Variants in OPA1 observed in about 807,000 individuals in gnomAD.
OPA1 encodes the protein dynamin-like GTPase OPA1, mitochondrial.
Under a neutral mutation model 152.9 loss-of-function variants are expected in OPA1, and 59 were observed. The observed-to-expected ratio is 0.39, with a 90% CI of 0.31 to 0.48. The LOEUF (loss-of-function observed/expected upper bound fraction) is 0.48, where lower values mean the gene tolerates loss of function less well. Ranked by LOEUF, OPA1 falls within the 20% of genes least tolerant of loss-of-function variation. The pLI, the probability that OPA1 is intolerant of heterozygous loss-of-function variation, is 0.96. For synonymous variants in OPA1, 400 were observed against 389.9 expected (o/e 1.03, Z -0.31); for missense variants, 1,008 against 1,216.8 (o/e 0.83, Z 2.55).
chr3:193,679,669 A>C (rs1006902525), intron 29 of OPA1, among the ~76,000 whole-genome samples: 1 of 152,216 alleles, frequency 6.6e-6, no homozygotes, highest in African/African-American at 2.4e-5. Context: ...AACCATAGAC[A>C]ACCAAGTTCA....
At chr3:193,619,372 T>C (rs1729630642) in intron 6 of OPA1, among the ~76,000 whole-genome samples, 1 of 152,146 alleles carries the variant, frequency 6.6e-6, no homozygotes, top group African/African-American at 2.4e-5. Flanking sequence ...TGGAACGTCG[T>C]ATAGGGACTA....
intron 1 of OPA1, among the ~76,000 whole-genome samples, chr3:193,609,797 A>G (rs1170619745): frequency 5.3e-5 from 8 of 152,124 alleles, no homozygotes; most frequent in African/African-American, 1.9e-4. Flanking sequence ...TTGATCTTCC[A>G]TCACTGATAC....
At chr3:193,684,204 G>T (rs1720603784) in intron 29 of OPA1, among the ~76,000 whole-genome samples, 1 of 152,120 alleles carries the variant, frequency 6.6e-6, no homozygotes, top group African/African-American at 2.4e-5. Flanking sequence ...TGTTTCTCAT[G>T]CGGGCTAACA....
intron 21 of OPA1, among the ~76,000 whole-genome samples, chr3:193,651,603 TA>T (rs1712470404): frequency 6.6e-6 from 1 of 152,164 alleles, no homozygotes; most frequent in Non-Finnish European, 1.5e-5. Context: ...AATTATATAG[TA>T]TTTGGTTTAT....
chr3:193,651,978 G>A (rs1380823868), intron 21 of OPA1, among the ~76,000 whole-genome samples: 1 of 152,094 alleles, frequency 6.6e-6, no homozygotes, highest in Non-Finnish European at 1.5e-5. Flanking sequence ...AGATAAAGAA[G>A]GCAATAAAAC....
chr3:193,694,090 C>T (rs1399095381), intron 30 of OPA1, among the ~76,000 whole-genome samples: 1 of 152,232 alleles, frequency 6.6e-6, no homozygotes, highest in African/African-American at 2.4e-5. Context: ...GTTGCTGTTG[C>T]TGCTACCTGT....
intron 30 of OPA1, among the ~76,000 whole-genome samples, chr3:193,694,224 G>A (rs1305629666): frequency 6.6e-6 from 1 of 152,120 alleles, no homozygotes; most frequent in East Asian, 1.9e-4. Flanking sequence ...GAATAAATCT[G>A]GCAGAATGGT....
intron 1 of OPA1, among the ~76,000 whole-genome samples, chr3:193,609,044 TC>T (rs1727747265): frequency 6.6e-6 from 1 of 152,188 alleles, no homozygotes. Flanking sequence ...TTTTTTGTTT[TC>T]CATTTGCTTG....
intron 29 of OPA1, among the ~76,000 whole-genome samples, chr3:193,671,454 G>A (rs145578573): frequency 3.2e-4 from 48 of 152,254 alleles, no homozygotes; most frequent in African/African-American, 1.1e-3. Context: ...GCTCCAGTTG[G>A]AAGAGACTTA....
intron 29 of OPA1, among the ~76,000 whole-genome samples, chr3:193,683,689 A>C (rs538402565): frequency 3.3e-5 from 5 of 152,322 alleles, no homozygotes; most frequent in African/African-American, 1.2e-4. Context: ...CTCCACCAGC[A>C]AAAAGATTAT....
At chr3:193,612,242 A>G (rs989746440) in intron 1 of OPA1, among the ~76,000 whole-genome samples, 1 of 147,412 alleles carries the variant, frequency 6.8e-6, no homozygotes, top group South Asian at 2.2e-4. Flanking sequence ...ATAAGGTCTC[A>G]CTTTGTAAGA....
At chr3:193,620,636 A>G (rs761826688) in intron 6 of OPA1, among the ~76,000 whole-genome samples, 7 of 151,738 alleles carry the variant, frequency 4.6e-5, no homozygotes, top group Non-Finnish European at 1.0e-4. Flanking sequence ...TTTTTTAACT[A>G]TTTGTTACAC....
At chr3:193,687,701 G>A (rs982798681) in intron 29 of OPA1, among the ~76,000 whole-genome samples, 1 of 152,168 alleles carries the variant, frequency 6.6e-6, no homozygotes, top group East Asian at 1.9e-4. Context: ...TGGATAACTT[G>A]GTTTTCTGGG....
chr3:193,635,080 T>C (rs2109000486), intron 8 of OPA1, among the ~76,000 whole-genome samples: 1 of 152,326 alleles, frequency 6.6e-6, no homozygotes, highest in Admixed American at 6.5e-5. Context: ...AAAATTTTGA[T>C]ATAATAGGAA....
intron 10 of OPA1, 31 bp downstream of exon 10, chr3:193,637,312 A>G: frequency 2.1e-6 from 3 of 1,445,800 alleles, no homozygotes; most frequent in Non-Finnish European, 2.9e-6. Flanking sequence ...GAACTTGCCA[A>G]TTAGCAAAAA....
intron 7 of OPA1, among the ~76,000 whole-genome samples, chr3:193,630,199 C>T (rs1011646760): frequency 1.3e-5 from 2 of 152,126 alleles, no homozygotes; most frequent in Admixed American, 6.5e-5. Flanking sequence ...GTTTATAATT[C>T]TTGTCCATCC....
rs557245024 is a variant in OPA1 at position 193,607,895 on chromosome 3, A to G, written c.33-6828A>G. On this transcript the variant is annotated intron_variant, in intron 1 of 30. Coordinates refer to ENST00000361510, the MANE Select transcript of OPA1 (RefSeq NM_130837.3). ...ATATTGATTCTTCCTACCCATGAGC[A>G]TGGAATGTTCTTCCATTTGTTTGTA... is the stretch of plus-strand genomic sequence containing the variant. Among the ~76,000 whole-genome samples, 47 of 152,330 alleles carry G rather than the reference A, an allele frequency of 3.1e-4. No homozygotes were observed. In the East Asian group the frequency reaches 8.1e-3, roughly 26 times the overall value.
At chr3:193,598,770 G>T (rs889359590) in intron 1 of OPA1, among the ~76,000 whole-genome samples, 3 of 152,168 alleles carry the variant, frequency 2.0e-5, no homozygotes, top group Non-Finnish European at 2.9e-5. Context: ...CATTTTAACC[G>T]ATTAAGAAAC....
intron 1 of OPA1, among the ~76,000 whole-genome samples, chr3:193,595,638 CTT>C (rs1414858846): frequency 1.3e-5 from 2 of 152,152 alleles, no homozygotes; most frequent in Admixed American, 6.5e-5. Context: ...AGGGTCTTGA[CTT>C]TATCCTTTAT....
Sources: allele counts gnomAD v4.1 joint callset (sites outside exome capture counted in the v4.1 genomes callset), GRCh38; gene constraint gnomAD v4.1.1; transcripts MANE v1.5; gene names NCBI Gene and HGNC (gene_info 2026-07-23, HGNC 2026-07-21).